ALG11: variants seen among roughly 807,000 people sequenced by gnomAD.
ALG11 encodes GDP-Man:Man(3)GlcNAc(2)-PP-Dol alpha-1,2-mannosyltransferase.
In ALG11, 26 loss-of-function variants were observed where a neutral mutation model predicts 38.8. The observed-to-expected ratio is 0.67, with a 90% confidence interval of 0.49 to 0.93. The LOEUF is 0.93. Ranked by LOEUF, ALG11 falls within the 40% of genes least tolerant of loss-of-function variation. ALG11 has a pLI of 0.00. For synonymous variants in ALG11, 199 were observed against 211.6 expected, an observed-to-expected ratio of 0.94 and a Z score of 0.52; for missense variants, 535 against 578.8, an observed-to-expected ratio of 0.92 and a Z score of 0.78.
Position 52,029,862 on chromosome 13 carries a change from A to G in ALG11, c.*1272A>G. On this transcript the variant is annotated 3_prime_UTR_variant, in exon 4 of 4. Coordinates refer to ENST00000521508, the MANE Select transcript of ALG11 (RefSeq NM_001004127.3). ...GAGGAGGGAGGCACAGAAGTGGAAG[A>G]ACTCCTTGTCCCTCATGTAGCGAAT... 6.2e-7 allele frequency: 1 copy of G among 1,614,220 alleles called. No individual in the cohort carries two copies. Among genetic ancestry groups the G allele is most frequent in the Non-Finnish European group, 8.5e-7 (1 of 1,180,042 alleles).
At position 52,029,567 on chromosome 13, in the gene ALG11, G is replaced by C; in HGVS notation, c.*977G>C. 3 of 1,614,200 alleles carry C rather than the reference G, an allele frequency of 1.9e-6. No homozygotes were observed. The highest frequency in any genetic ancestry group is 2.5e-6 in the Non-Finnish European group (3 of 1,180,050). On this transcript the variant is annotated 3_prime_UTR_variant, in exon 4 of 4. Coordinates refer to ENST00000521508, the MANE Select transcript of ALG11 (RefSeq NM_001004127.3). The stretch of plus-strand genomic sequence containing the variant: ...CAAAAGTAAAAAGTATCACAAAGTC[G>C]TGAAGAAAGGAAAGGCCAAGAAAGC...
Position 52,028,367 on chromosome 13 carries a change from C to T in ALG11, c.1256C>T (p.Ser419Leu), listed in dbSNP as rs201526759. ...GGCACAATTATCCTTGCACACAATT[C>T]GGGGGGCCCAAAGCTTGACATTGTG... ...AAGTIILAHN[S>L]GGPKLDIVVP... The change falls in exon 4 of 4, where the codon TCG (serine) becomes TTG (leucine). Residue 419 changes from serine (S) to leucine (L), a missense_variant. Transcript: ENST00000521508. The T allele has an allele frequency of 8.7e-6, 14 of 1,614,002 alleles. No homozygotes were observed. The highest frequency in any genetic ancestry group is 1.2e-5 in the Non-Finnish European group (14 of 1,179,996).
At position 52,023,941 on chromosome 13, in the gene ALG11, C is replaced by T. The variant is rs772297892; in HGVS notation, c.276-65C>T. 32 of 1,448,868 alleles carry T rather than the reference C, an allele frequency of 2.2e-5. No homozygotes were observed. In the South Asian group the frequency reaches 3.4e-4, roughly 15 times the overall value. The allele number at this position is 1,448,868 out of a possible 1,614,324, so 89.8% of individuals were successfully genotyped here. A position where few individuals can be genotyped will look rare whatever the true frequency, so the allele number is the denominator to read the frequency against. ...TCCTGAGTAGCTGGGATTACAGGTG[C>T]GTGCCACCGTGTCTGGCTAATTTTT... On this transcript the variant is annotated intron_variant, in intron 2 of 3. Transcript: ENST00000521508.
chr13:52,028,488 GA>G lies in ALG11; in HGVS notation c.1378del (p.Arg460AspfsTer12), dbSNP rs1301685001. On this transcript the variant is annotated frameshift_variant, in exon 4 of 4. Transcript: ENST00000521508. LOFTEE classifies it high-confidence loss of function. ...ACATTCTTTCCATGTCTGCAGAAAA[GA>G]GACTCCAAATCAGAAAAAGTGCTCG... ...AHILSMSAEK[R>X]LQIRKSARAS... 1 of 1,614,186 alleles carries G rather than the reference GA, an allele frequency of 6.2e-7. No homozygotes were observed. The highest frequency in any genetic ancestry group is 1.1e-5 in the South Asian group (1 of 91,090).
Position 52,024,013 on chromosome 13 carries a change from G to A in ALG11, c.283G>A (p.Glu95Lys). Residue 95 changes from glutamate (E) to lysine (K), a missense_variant, in exon 3 of 4, where the codon GAA becomes AAA. Physicochemically the swap from Glu to Lys is moderately conservative, Grantham distance 56 (BLOSUM62 1). Coordinates refer to ENST00000521508, the MANE Select transcript of ALG11 (RefSeq NM_001004127.3). ...ALRALQKKYP[E>K]AVYVVYTGDV... is the part of the protein sequence containing the mutation. ...CATTACATTCTATTTTAGGTATCCTGAAGCAGTTTATGTTGTTTATACCGG... is the reference window on the plus strand; with the variant it reads ...CATTACATTCTATTTTAGGTATCCTAAAGCAGTTTATGTTGTTTATACCGG... 1 of 1,614,040 alleles carries A rather than the reference G, an allele frequency of 6.2e-7. No homozygotes were observed. The highest frequency in any genetic ancestry group is 8.5e-7 in the Non-Finnish European group (1 of 1,179,964).
At chr13:52,014,171 T>C (rs1476911402) in intron 1 of ALG11, among the ~76,000 whole-genome samples, 1 of 152,194 alleles carries the variant, frequency 6.6e-6, no homozygotes. Context: ...CTTCATATAC[T>C]TCAACAAAAA....
chr13:52,028,577 A>C lies in ALG11; in HGVS notation c.1466A>C (p.Lys489Thr). Residue 489 changes from lysine (K) to threonine (T), a missense_variant, in exon 4 of 4, where the codon AAG (lysine) becomes ACG (threonine). Transcript: ENST00000521508. Reference sequence around the variant, plus strand: ...GTGACATTCCTATCATCTGTGGAAAAGTTATTTAAGTAATGCCATATCTGT... The same window carrying C: ...GTGACATTCCTATCATCTGTGGAAACGTTATTTAAGTAATGCCATATCTGT... ...FEVTFLSSVE[K>T]LFK The C allele has an allele frequency of 1.2e-6, 2 of 1,614,018 alleles. No homozygotes were observed. The highest frequency in any genetic ancestry group is 8.5e-7 in the Non-Finnish European group (1 of 1,179,884).
chr13:52,028,875 A>T lies in ALG11; in HGVS notation c.*285A>T. The T allele has an allele frequency of 6.2e-7, 1 of 1,614,236 alleles. No individual in the cohort carries two copies. Among genetic ancestry groups the T allele is most frequent in the Non-Finnish European group, 8.5e-7 (1 of 1,180,040 alleles). Reference sequence around the variant, plus strand: ...GAAGAACTAGTGGATTTGCCAAAAAACTACCCCTTGAGTGAAAATGAAGAT... The same window carrying T: ...GAAGAACTAGTGGATTTGCCAAAAATCTACCCCTTGAGTGAAAATGAAGAT... On this transcript the variant is annotated 3_prime_UTR_variant, in exon 4 of 4. Coordinates refer to ENST00000521508, the MANE Select transcript of ALG11 (RefSeq NM_001004127.3).
chr13:52,017,547 A>G (rs543234273), intron 1 of ALG11: 12 of 169,212 alleles, frequency 7.1e-5, no homozygotes, highest in East Asian at 1.7e-4. Context: ...ATAATAATGA[A>G]TAAGTCTCAT....
chr13:52,013,391 A>G (rs1470412128), intron 1 of ALG11, among the ~76,000 whole-genome samples: 1 of 152,234 alleles, frequency 6.6e-6, no homozygotes, highest in African/African-American at 2.4e-5. Context: ...TACTTTAAAC[A>G]TTTTGAATGA....
chr13:52,031,162 G>A lies in ALG11; in HGVS notation c.*2572G>A, dbSNP rs1343957451. On this transcript the variant is annotated 3_prime_UTR_variant, in exon 4 of 4. Transcript: ENST00000521508. The stretch of plus-strand genomic sequence containing the variant: ...CCCTGATTCCACTTCCTTTGGTCCA[G>A]TTTTACTCTGCTACAGGGTGGATTC... The A allele has an allele frequency of 6.4e-7, 1 of 1,553,872 alleles. No individual in the cohort carries two copies. The highest frequency in any genetic ancestry group is 8.7e-7 in the Non-Finnish European group (1 of 1,151,382).
Position 52,031,544 on chromosome 13 carries a change from A to G in ALG11, c.*2954A>G, listed in dbSNP as rs779739743. 20 of 181,976 alleles carry G rather than the reference A, an allele frequency of 1.1e-4. No homozygotes were observed. The highest frequency in any genetic ancestry group is 2.1e-4 in the Non-Finnish European group (16 of 76,142). The allele number at this position is 181,976 out of a possible 1,614,324, so 11.3% of individuals were successfully genotyped here. ...TTGTTTTTGTTTATGCTGTCAGCAC[A>G]TTTGTGTGGGTCTCTCATTGTCCCT... On this transcript the variant is annotated 3_prime_UTR_variant, in exon 4 of 4. Coordinates refer to ENST00000521508, the MANE Select transcript of ALG11 (RefSeq NM_001004127.3).
rs1006206994 is a variant in ALG11, at chr13:52,031,023, CT to C, written c.*2435del. 6.2e-7 allele frequency: 1 copy of C among 1,614,094 alleles called. No individual in the cohort carries two copies. Among genetic ancestry groups the C allele is most frequent in the African/African-American group, 1.3e-5 (1 of 74,932 alleles). On this transcript the variant is annotated 3_prime_UTR_variant, in exon 4 of 4. Transcript: ENST00000521508. Reference sequence around the variant, plus strand: ...AAAGCAGAGGATGTGGGCTACCAGTCTTCCTCAAGGTCAGACCTGCCTGTCA... The same window carrying C: ...AAAGCAGAGGATGTGGGCTACCAGTCTCCTCAAGGTCAGACCTGCCTGTCA...
chr13:52,024,146 T>C lies in ALG11; in HGVS notation c.416T>C (p.Val139Ala). Residue 139 changes from valine (V) to alanine (A), a missense_variant, in exon 3 of 4, where the codon GTG becomes GCG. Transcript: ENST00000521508. ...QFVFLRKRYL[V>A]EDSLYPHFTL... ...GTTTTTTTAAGGAAACGCTATCTTG[T>C]GGAAGATTCACTGTATCCTCACTTC... 1.2e-6 allele frequency: 2 copies of C among 1,614,166 alleles called. No individual in the cohort carries two copies. The highest frequency in any genetic ancestry group is 1.7e-6 in the Non-Finnish European group (2 of 1,180,030).
chr13:52,021,882 A>G (rs1954187055), intron 2 of ALG11: 1 of 152,220 alleles, frequency 6.6e-6, no homozygotes. Context: ...CGTACATGAC[A>G]GCTGTCTTCT....
chr13:52,024,986 T>C lies in ALG11; in HGVS notation c.1207+49T>C, dbSNP rs1241379370. The C allele has an allele frequency of 1.9e-6, 3 of 1,547,002 alleles. No homozygotes were observed. The South Asian group carries it at 3.3e-5, about 17-fold the overall frequency. ...TGTTTGGTGCCATGAGATACACATTTTAAGTTCTTTTGATAAAATGATAAT... is the reference window on the plus strand; with the variant it reads ...TGTTTGGTGCCATGAGATACACATTCTAAGTTCTTTTGATAAAATGATAAT... On this transcript the variant is annotated intron_variant, in intron 3 of 3. Coordinates refer to ENST00000521508, the MANE Select transcript of ALG11 (RefSeq NM_001004127.3).
rs996771688 is a variant in ALG11 at position 52,031,068 on chromosome 13, G to C, written c.*2478G>C. 1.2e-6 allele frequency: 2 copies of C among 1,613,804 alleles called. No homozygotes were observed. The highest frequency in any genetic ancestry group is 3.3e-5 in the Admixed American group (2 of 59,972). ...CCTGTCATACAGAGGAATCCAAAAC[G>C]AATCACCACACGTCACAATAAAGAA... is the stretch of plus-strand genomic sequence containing the variant. On this transcript the variant is annotated 3_prime_UTR_variant, in exon 4 of 4. Coordinates refer to ENST00000521508, the MANE Select transcript of ALG11 (RefSeq NM_001004127.3).
chr13:52,031,593 G>C lies in ALG11; in HGVS notation c.*3003G>C, dbSNP rs1954306089. 5.8e-6 allele frequency: 1 copy of C among 172,916 alleles called. No individual in the cohort carries two copies. Among genetic ancestry groups the C allele is most frequent in the Non-Finnish European group, 1.4e-5 (1 of 71,432 alleles). The allele number at this position is 172,916 out of a possible 1,614,324, so 10.7% of individuals were successfully genotyped here. A position where few individuals can be genotyped will look rare whatever the true frequency, so the allele number is the denominator to read the frequency against. ...CTTAACAGTGCCGCATCTCAGCCTGGAAGTCAGCTTTAAGTCATTCAAGAG... is the reference window on the plus strand; with the variant it reads ...CTTAACAGTGCCGCATCTCAGCCTGCAAGTCAGCTTTAAGTCATTCAAGAG... On this transcript the variant is annotated 3_prime_UTR_variant, in exon 4 of 4. Coordinates refer to ENST00000521508, the MANE Select transcript of ALG11 (RefSeq NM_001004127.3).
At chr13:52,026,946 A>G (rs1954247090) in intron 3 of ALG11, among the ~76,000 whole-genome samples, 1 of 152,204 alleles carries the variant, frequency 6.6e-6, no homozygotes, top group African/African-American at 2.4e-5. Flanking sequence ...CAAAATGCAG[A>G]GAACAGGAAC....
Sources: gnomAD v4.1 joint callset for allele counts (sites outside exome capture counted in the v4.1 genomes callset) on GRCh38, gnomAD v4.1.1 for gene constraint, MANE v1.5 for transcripts, NCBI Gene and HGNC (gene_info 2026-07-23, HGNC 2026-07-21) for gene names.